Variants in MDGA2 observed in about 807,000 individuals in gnomAD.
The protein encoded by MDGA2 is MAM domain containing glycosylphosphatidylinositol anchor 2.
Under a neutral mutation model 117.8 loss-of-function variants are expected in MDGA2, and 40 were observed. The ratio of observed to expected loss-of-function variants is 0.34; its 90% CI spans 0.26 to 0.44. The LOEUF is 0.44. MDGA2 is among the 20% of genes least tolerant of loss of function. MDGA2 has a pLI of 1.00. For synonymous variants in MDGA2, 452 were observed against 439.0 expected, an observed-to-expected ratio of 1.03 and a Z score of -0.37; for missense variants, 1,123 against 1,250.6, an observed-to-expected ratio of 0.90 and a Z score of 1.54.
chr14:47,370,589 A>G (rs906863758), intron 1 of MDGA2, among the ~76,000 whole-genome samples: 2 of 142,192 alleles, frequency 1.4e-5, no homozygotes, highest in Non-Finnish European at 3.0e-5. Flanking sequence ...TCTATTTTAA[A>G]CAGTATCCAC....
At chr14:47,198,622 A>C (rs1885378169) in intron 3 of MDGA2, among the ~76,000 whole-genome samples, 1 of 152,238 alleles carries the variant, frequency 6.6e-6, no homozygotes, top group Non-Finnish European at 1.5e-5. Flanking sequence ...ATAAATGAAT[A>C]CAATTATGAT....
chr14:47,560,236 T>A (rs1895771994), intron 1 of MDGA2, among the ~76,000 whole-genome samples: 1 of 151,060 alleles, frequency 6.6e-6, no homozygotes. Context: ...CCCGACTAAT[T>A]TTTTTTTTGC....
At chr14:46,905,806 A>C (rs181066585) in intron 10 of MDGA2, among the ~76,000 whole-genome samples, 2 of 152,214 alleles carry the variant, frequency 1.3e-5, no homozygotes, top group Admixed American at 6.5e-5. Context: ...CAAAACAAAA[A>C]AACACAAATC....
rs74579179 is a variant in MDGA2, at chr14:47,613,042, G to A, written c.280+61475C>T. ...AGTTAGAGAAGAATCTCAGAAAGCC[G>A]TTCACATTGAGTTTTAAGCACCTTC... On this transcript the variant is annotated intron_variant, in intron 1 of 16. Transcript: ENST00000399232. Among the ~76,000 whole-genome samples the A allele has an allele frequency of 1.3e-3, 192 of 152,238 alleles. 1 individual carries two copies. Among genetic ancestry groups the A allele is most frequent in the African/African-American group, 4.3e-3 (177 of 41,546 alleles).
chr14:47,590,132 T>A (rs1481365857), intron 1 of MDGA2, among the ~76,000 whole-genome samples: 1 of 151,770 alleles, frequency 6.6e-6, no homozygotes, highest in Non-Finnish European at 1.5e-5. Context: ...TGTTGTCTAT[T>A]TACAGAGATA....
At chr14:47,597,864 ACACACACACACAC>A (rs1896574812) in intron 1 of MDGA2, among the ~76,000 whole-genome samples, 1 of 151,270 alleles carries the variant, frequency 6.6e-6, no homozygotes, top group Non-Finnish European at 1.5e-5. Flanking sequence ...ACACACACAC[ACACACACACACAC>A]ACACACAAAA....
At chr14:47,174,302 T>C (rs1379145469) in intron 3 of MDGA2, among the ~76,000 whole-genome samples, 1 of 152,112 alleles carries the variant, frequency 6.6e-6, no homozygotes, top group Admixed American at 6.5e-5. Context: ...GCGGACCTAA[T>C]AGACATCTGC....
intron 10 of MDGA2, among the ~76,000 whole-genome samples, chr14:46,905,529 T>C (rs910561433): frequency 6.6e-6 from 1 of 152,292 alleles, no homozygotes; most frequent in East Asian, 1.9e-4. Context: ...CATATTGAAA[T>C]GCATGCAAAT....
At chr14:47,301,808 A>C (rs967908939) in intron 1 of MDGA2, among the ~76,000 whole-genome samples, 1 of 152,168 alleles carries the variant, frequency 6.6e-6, no homozygotes, top group Admixed American at 6.5e-5. Flanking sequence ...TCAATACAAG[A>C]CCACAAGATA....
At chr14:46,909,908 T>G (rs1883634179) in intron 10 of MDGA2, among the ~76,000 whole-genome samples, 1 of 152,116 alleles carries the variant, frequency 6.6e-6, no homozygotes, top group Admixed American at 6.6e-5. Flanking sequence ...CAAAAGAACC[T>G]CATGGATATA....
At chr14:47,650,769 G>A (rs1329245647) in intron 1 of MDGA2, among the ~76,000 whole-genome samples, 1 of 152,100 alleles carries the variant, frequency 6.6e-6, no homozygotes, top group Non-Finnish European at 1.5e-5. Context: ...TCATACAAAT[G>A]CACAAAAAAA....
intron 8 of MDGA2, among the ~76,000 whole-genome samples, chr14:47,029,224 T>C (rs1272684397): frequency 2.6e-5 from 4 of 152,144 alleles, no homozygotes; most frequent in Admixed American, 2.6e-4. Context: ...CTCTCTTCAT[T>C]AGATTTCTTG....
chr14:47,067,221 T>C (rs1000524232), intron 6 of MDGA2, among the ~76,000 whole-genome samples: 1 of 152,188 alleles, frequency 6.6e-6, no homozygotes, highest in African/African-American at 2.4e-5. Flanking sequence ...GCTTTGAACA[T>C]GCTAACATGC....
intron 2 of MDGA2, among the ~76,000 whole-genome samples, chr14:47,237,437 A>G (rs1252985217): frequency 1.3e-5 from 2 of 152,158 alleles, no homozygotes; most frequent in Non-Finnish European, 2.9e-5. Context: ...AATGAGTAGG[A>G]CTTTTAAACA....
intron 7 of MDGA2, chr14:47,059,286 G>A (rs1183632404): frequency 8.0e-7 from 1 of 1,253,472 alleles, no homozygotes; most frequent in Non-Finnish European, 1.0e-6. Flanking sequence ...TCCATTCTAT[G>A]GAGAAACCAC....
At chr14:47,423,840 C>T (rs1892630115) in intron 1 of MDGA2, among the ~76,000 whole-genome samples, 1 of 151,618 alleles carries the variant, frequency 6.6e-6, no homozygotes, top group Non-Finnish European at 1.5e-5. Flanking sequence ...GAGACTAAGT[C>T]TCGTTCTGTC....
intron 8 of MDGA2, among the ~76,000 whole-genome samples, chr14:46,982,338 T>C (rs1384643067): frequency 6.6e-6 from 1 of 152,052 alleles, no homozygotes; most frequent in African/African-American, 2.4e-5. Context: ...AAATGGTATA[T>C]ATTAAAATAA....
chr14:47,289,945 A>G (rs1353310154), intron 2 of MDGA2, among the ~76,000 whole-genome samples: 3 of 152,170 alleles, frequency 2.0e-5, no homozygotes, highest in Non-Finnish European at 4.4e-5. Context: ...TGACCATCAG[A>G]AAATGTGAGT....
intron 1 of MDGA2, among the ~76,000 whole-genome samples, chr14:47,462,375 C>CAAAAAAAAAAAAAAA: frequency 1.0e-5 from 1 of 96,068 alleles, no homozygotes; most frequent in Non-Finnish European, 2.1e-5. Context: ...GACTCCGTCC[C>CAAAAAAAAAAAAAAA]AAAAAAAAAA....
Sources: allele counts gnomAD v4.1 joint callset (sites outside exome capture counted in the v4.1 genomes callset), GRCh38; gene constraint gnomAD v4.1.1; transcripts MANE v1.5; gene names NCBI Gene and HGNC (gene_info 2026-07-23, HGNC 2026-07-21).